Variants in PIP5K1B observed in about 807,000 individuals in gnomAD.
The protein encoded by PIP5K1B is phosphatidylinositol 4-phosphate 5-kinase type-1 beta.
Under a neutral mutation model 67.0 loss-of-function variants are expected in PIP5K1B, and 42 were observed. The observed-to-expected ratio is 0.63, with a 90% CI of 0.49 to 0.81. The LOEUF is 0.81. PIP5K1B is among the 30% of genes least tolerant of loss of function. The pLI, the probability that PIP5K1B is intolerant of heterozygous loss-of-function variation, is 0.00. For missense variants in PIP5K1B, 459 were observed against 646.3 expected, an observed-to-expected ratio of 0.71 and a Z score of 3.14; for synonymous variants, 214 against 231.4, an observed-to-expected ratio of 0.92 and a Z score of 0.68.
At chr9:68,832,073 G>C (rs1038040161) in intron 4 of PIP5K1B, among the ~76,000 whole-genome samples, 7 of 152,184 alleles carry the variant, frequency 4.6e-5, no homozygotes, top group Admixed American at 2.6e-4. Context: ...AATCTGAACT[G>C]TAGCCTCAAG....
chr9:68,912,931 T>C (rs758832468), intron 8 of PIP5K1B, among the ~76,000 whole-genome samples: 1 of 152,222 alleles, frequency 6.6e-6, no homozygotes, highest in Non-Finnish European at 1.5e-5. Flanking sequence ...CTACAGAAGT[T>C]ACAGGAACAC....
At chr9:68,758,556 T>G (rs759340306) in intron 2 of PIP5K1B, among the ~76,000 whole-genome samples, 6 of 151,978 alleles carry the variant, frequency 3.9e-5, no homozygotes, top group Non-Finnish European at 8.8e-5. Flanking sequence ...ACAGAAATTG[T>G]ACAATACGAA....
Position 68,975,519 on chromosome 9 carries a change from T to C in PIP5K1B, c.1503-15621T>C, listed in dbSNP as rs1269551473. Among the ~76,000 whole-genome samples, 3 of 152,198 alleles carry C rather than the reference T, an allele frequency of 2.0e-5. No homozygotes were observed. In the East Asian group the frequency reaches 5.8e-4, roughly 29 times the overall value. ...GAGAAGTTCTTTTTTCCCAAGGTGG[T>C]GTTATGGAGGGAAAGTCAGTGAGTC... On this transcript the variant is annotated intron_variant, in intron 14 of 15. Coordinates refer to ENST00000265382, the MANE Select transcript of PIP5K1B (RefSeq NM_003558.4).
In PIP5K1B at chr9:68,960,713, A is replaced by G. The variant is rs1021416758; in HGVS notation, c.1502+19923A>G. Among the ~76,000 whole-genome samples the G allele has an allele frequency of 1.6e-4, 25 of 152,144 alleles. No individual in the cohort carries two copies. In the East Asian group the frequency reaches 4.6e-3, roughly 28 times the overall value. ...TCTTGTCCTGATAATTTCTTCCTTT[A>G]GTATCCCGTTCTTTTATTTCATAGT... On this transcript the variant is annotated intron_variant, in intron 14 of 15. Coordinates refer to ENST00000265382, the MANE Select transcript of PIP5K1B (RefSeq NM_003558.4).
chr9:68,745,070 C>T (rs1049400227), intron 2 of PIP5K1B, among the ~76,000 whole-genome samples: 1 of 152,170 alleles, frequency 6.6e-6, no homozygotes, highest in African/African-American at 2.4e-5. Context: ...TTTGGCTTGT[C>T]CGTCAGCATC....
chr9:68,820,496 G>A (rs1001703166), intron 3 of PIP5K1B, among the ~76,000 whole-genome samples: 1 of 152,032 alleles, frequency 6.6e-6, no homozygotes, highest in African/African-American at 2.4e-5. Flanking sequence ...TGATTCTTGC[G>A]TTTATTTTCC....
In PIP5K1B at chr9:68,820,034, A is replaced by G. The variant is rs1322631491; in HGVS notation, c.-1+1489A>G. 1.3e-5 allele frequency among the ~76,000 whole-genome samples: 2 copies of G among 152,208 alleles called. 1 individual carries two copies. Among genetic ancestry groups the G allele is most frequent in the African/African-American group, 4.8e-5 (2 of 41,458 alleles). On this transcript the variant is annotated intron_variant, in intron 3 of 15. Coordinates refer to ENST00000265382, the MANE Select transcript of PIP5K1B (RefSeq NM_003558.4). ...AAGACCATCTCATCCTCCGTCCTTCATTCATGCCAGTTAGTTAACCTCTCA... is the reference window on the plus strand; with the variant it reads ...AAGACCATCTCATCCTCCGTCCTTCGTTCATGCCAGTTAGTTAACCTCTCA...
At chr9:68,851,372 T>C (rs1587554846) in intron 4 of PIP5K1B, among the ~76,000 whole-genome samples, 1 of 152,340 alleles carries the variant, frequency 6.6e-6, no homozygotes, top group East Asian at 1.9e-4. Flanking sequence ...AACCTTGTTA[T>C]AAGGCAAATT....
At chr9:68,891,792 C>G (rs1399756417) in intron 7 of PIP5K1B, among the ~76,000 whole-genome samples, 1 of 152,000 alleles carries the variant, frequency 6.6e-6, no homozygotes, top group Non-Finnish European at 1.5e-5. Context: ...AAAGGTAAAT[C>G]TACAAAATCC....
chr9:68,739,173 T>C (rs948097789), intron 1 of PIP5K1B, among the ~76,000 whole-genome samples: 1 of 152,262 alleles, frequency 6.6e-6, no homozygotes. Flanking sequence ...ATATTTTATT[T>C]TCCTATTTCA....
chr9:68,979,551 G>A (rs1259779513), intron 14 of PIP5K1B, among the ~76,000 whole-genome samples: 14 of 13,224 alleles, frequency 1.1e-3, no homozygotes, highest in Non-Finnish European at 1.3e-3. Flanking sequence ...ATCACACACA[G>A]AGTCACTCCC....
intron 14 of PIP5K1B, among the ~76,000 whole-genome samples, chr9:68,968,165 T>A (rs1052484025): frequency 1.3e-5 from 2 of 152,212 alleles, no homozygotes; most frequent in African/African-American, 4.8e-5. Context: ...AGTGGAATCA[T>A]AATCCCCATA....
intron 14 of PIP5K1B, among the ~76,000 whole-genome samples, chr9:68,957,875 T>A (rs1828483948): frequency 1.1e-5 from 1 of 88,894 alleles, no homozygotes; most frequent in Admixed American, 9.6e-5. Context: ...TTTTCTTTTC[T>A]TTTTTTTTTT....
intron 1 of PIP5K1B, among the ~76,000 whole-genome samples, chr9:68,712,099 A>T (rs1827420715): frequency 6.6e-6 from 1 of 152,186 alleles, no homozygotes; most frequent in South Asian, 2.1e-4. Context: ...AGTCATATGG[A>T]TGGATCCCTC....
At chr9:68,954,372 G>C (rs1439323107) in intron 14 of PIP5K1B, among the ~76,000 whole-genome samples, 1 of 152,246 alleles carries the variant, frequency 6.6e-6, no homozygotes, top group South Asian at 2.1e-4. Context: ...ATCTGCCTCT[G>C]TTTCTTCGTC....
intron 1 of PIP5K1B, among the ~76,000 whole-genome samples, chr9:68,733,301 C>T (rs1004485732): frequency 2.6e-5 from 4 of 152,180 alleles, no homozygotes; most frequent in East Asian, 1.9e-4. Context: ...TCCACCAAAG[C>T]GTGTGAGCCA....
At chr9:68,778,112 CTT>C (rs55844187) in intron 2 of PIP5K1B, among the ~76,000 whole-genome samples, 2 of 152,044 alleles carry the variant, frequency 1.3e-5, no homozygotes, top group Non-Finnish European at 2.9e-5. Flanking sequence ...GAAATTCTCT[CTT>C]TAATCCATGT....
At chr9:68,805,466 T>C (rs1280009889) in intron 2 of PIP5K1B, among the ~76,000 whole-genome samples, 1 of 152,198 alleles carries the variant, frequency 6.6e-6, no homozygotes, top group Non-Finnish European at 1.5e-5. Flanking sequence ...GCCAGGAACA[T>C]TGGAGTGCTG....
intron 8 of PIP5K1B, among the ~76,000 whole-genome samples, chr9:68,906,828 G>A (rs900328298): frequency 6.6e-6 from 1 of 152,216 alleles, no homozygotes; most frequent in African/African-American, 2.4e-5. Context: ...AGCACTTGGT[G>A]ATCTCTCTTC....
Sources: allele counts gnomAD v4.1 joint callset (sites outside exome capture counted in the v4.1 genomes callset), GRCh38; gene constraint gnomAD v4.1.1; transcripts MANE v1.5; gene names NCBI Gene and HGNC (gene_info 2026-07-23, HGNC 2026-07-21).